Variants in NWD2 observed in about 807,000 individuals in gnomAD.
NWD2 encodes the protein NACHT and WD repeat domain containing 2, also known as NACHT and WD repeat domain-containing protein 2.
A neutral mutation model predicts 132.7 loss-of-function variants in NWD2; 37 were observed. The observed-to-expected ratio is 0.28, with a 90% CI of 0.21 to 0.37. NWD2 has a LOEUF of 0.37. NWD2 is among the 10% of genes least tolerant of loss of function. NWD2 has a pLI of 1.00. For missense variants in NWD2, 1,592 were observed against 2,122.4 expected, an observed-to-expected ratio of 0.75 and a Z score of 4.91; for synonymous variants, 705 against 803.0, an observed-to-expected ratio of 0.88 and a Z score of 2.06.
intron 2 of NWD2, among the ~76,000 whole-genome samples, chr4:37,350,807 A>G (rs1451943203): frequency 6.6e-6 from 1 of 152,174 alleles, no homozygotes; most frequent in Non-Finnish European, 1.5e-5. Context: ...TGAGTATGAT[A>G]TTGAATGTGG....
rs1283797075 is a variant in NWD2 at position 37,253,481 on chromosome 4, C to T, written c.151+8263C>T. Among the ~76,000 whole-genome samples, 10 of 152,144 alleles carry T rather than the reference C, an allele frequency of 6.6e-5. No individual in the cohort carries two copies. In the East Asian group the frequency reaches 1.9e-3, roughly 29 times the overall value. On this transcript the variant is annotated intron_variant, in intron 1 of 6. Coordinates refer to ENST00000309447, the MANE Select transcript of NWD2 (RefSeq NM_001144990.2). ...TCATGTCCCAAGGGATAGAAGTGAG[C>T]AGATGGGCAGAGATTGTCTGGTTTC...
Position 37,445,712 on chromosome 4 carries a change from A to C in NWD2, c.3724A>C (p.Asn1242His). ...ERFISAVLSKNGDCIIATMEN... is the reference protein window; with the variant it reads ...ERFISAVLSKHGDCIIATMEN... ...CTTTATATCTGCCGTGCTGTCTAAA[A>C]ATGGAGATTGTATCATCGCCACCAT... The change falls in exon 7 of 7, where the codon AAT becomes CAT. Residue 1242 changes from asparagine (N) to histidine (H), a missense_variant. Transcript: ENST00000309447. The surrounding 1 kb of genome is among the most constrained non-coding windows in gnomAD (Gnocchi z 4.7). The C allele has an allele frequency of 6.4e-7, 1 of 1,551,922 alleles. No individual in the cohort carries two copies. Among genetic ancestry groups the C allele is most frequent in the Non-Finnish European group, 8.7e-7 (1 of 1,147,054 alleles).
chr4:37,284,417 T>C (rs1175763351), intron 1 of NWD2, among the ~76,000 whole-genome samples: 1 of 152,198 alleles, frequency 6.6e-6, no homozygotes, highest in Non-Finnish European at 1.5e-5. Context: ...GCACAAACAT[T>C]CAGACCATAG....
chr4:37,313,744 G>T (rs1052100160), intron 1 of NWD2, among the ~76,000 whole-genome samples: 1 of 151,100 alleles, frequency 6.6e-6, no homozygotes, highest in African/African-American at 2.5e-5. Context: ...TGTCACCCAG[G>T]CTAGAGTGCA....
At chr4:37,412,310 C>T (rs1259467984) in intron 3 of NWD2, among the ~76,000 whole-genome samples, 2 of 152,122 alleles carry the variant, frequency 1.3e-5, no homozygotes, top group South Asian at 2.1e-4. Context: ...AATCAATGTG[C>T]AAAAATCACA....
Position 37,446,003 on chromosome 4 carries a change from T to G in NWD2, c.4015T>G (p.Cys1339Gly). 6.4e-7 allele frequency: 1 copy of G among 1,551,730 alleles called. No individual in the cohort carries two copies. The highest frequency in any genetic ancestry group is 8.7e-7 in the Non-Finnish European group (1 of 1,146,984). ...CATTTACTCCCTGGATGGATCCGAT[T>G]GTGTTCATAAGTGGAACTTCAGCAG... ...EIIYSLDGSD[C>G]VHKWNFSSGF... Residue 1339 changes from cysteine (C) to glycine (G), a missense_variant, in exon 7 of 7, where the codon TGT becomes GGT. By Grantham distance (159) the Cys-to-Gly change is radical (BLOSUM62 -3). Coordinates refer to ENST00000309447, the MANE Select transcript of NWD2 (RefSeq NM_001144990.2). This position sits in a 1 kb window ranked among gnomAD's most constrained non-coding sequence, Gnocchi z 6.7.
intron 2 of NWD2, among the ~76,000 whole-genome samples, chr4:37,346,158 C>G (rs574397468): frequency 1.3e-5 from 2 of 151,168 alleles, no homozygotes; most frequent in Admixed American, 1.3e-4. Flanking sequence ...CAAATTTATG[C>G]CTATGATCTC....
At chr4:37,362,926 A>AATATCT (rs1451497667) in intron 3 of NWD2, among the ~76,000 whole-genome samples, 3 of 152,224 alleles carry the variant, frequency 2.0e-5, no homozygotes, top group African/African-American at 7.2e-5. Flanking sequence ...ACCAATGTCT[A>AATATCT]ATATCTAGAA....
Position 37,447,163 on chromosome 4 carries a change from G to A in NWD2, c.5175G>A (p.Glu1725=), listed in dbSNP as rs531545081. 3 of 1,551,350 alleles carry A rather than the reference G, an allele frequency of 1.9e-6. No individual in the cohort carries two copies. Among genetic ancestry groups the A allele is most frequent in the South Asian group, 2.4e-5 (2 of 84,066 alleles). The change falls in exon 7 of 7, where the codon GAG becomes GAA. Residue 1725 remains glutamate (E), a synonymous_variant. Transcript: ENST00000309447. ...CCAAGAAACACAACTCTTGTTATGA[G>A]CGGGTATGCTCGGCCCTAGAAGCCA... ...TPSKKHNSCY[E]RVCSALEARG... is the part of the protein sequence containing the mutation.
chr4:37,293,229 A>G (rs912408705), intron 1 of NWD2, among the ~76,000 whole-genome samples: 6 of 152,122 alleles, frequency 3.9e-5, no homozygotes, highest in Non-Finnish European at 8.8e-5. Flanking sequence ...CTCTTTCTCC[A>G]TTAAAAAAGA....
intron 1 of NWD2, among the ~76,000 whole-genome samples, chr4:37,276,217 A>T (rs895016180): frequency 1.3e-5 from 2 of 152,210 alleles, no homozygotes; most frequent in African/African-American, 4.8e-5. Context: ...GAGGGCTAAT[A>T]TCCAGAATCT....
intron 1 of NWD2, among the ~76,000 whole-genome samples, chr4:37,250,027 G>C (rs770854078): frequency 1.3e-4 from 20 of 152,122 alleles, no homozygotes; most frequent in Non-Finnish European, 2.9e-4. Context: ...AGAAATTCAC[G>C]TGAAACCTAT....
intron 1 of NWD2, among the ~76,000 whole-genome samples, chr4:37,248,697 G>A (rs999012086): frequency 2.6e-5 from 4 of 152,200 alleles, no homozygotes; most frequent in East Asian, 1.9e-4. Flanking sequence ...AGGAACCTGC[G>A]AGATTCTCTC....
At chr4:37,318,043 C>T (rs56088110) in intron 1 of NWD2, among the ~76,000 whole-genome samples, 21,325 of 122,748 alleles carry the variant, frequency 0.17, 2,103 homozygotes, top group South Asian at 0.35. Context: ...TTTTTTGAGA[C>T]GAAGTCTCGC....
chr4:37,387,759 C>T (rs1720594649), intron 3 of NWD2, among the ~76,000 whole-genome samples: 1 of 145,670 alleles, frequency 6.9e-6, no homozygotes, highest in African/African-American at 2.6e-5. Context: ...ACTGCAACCT[C>T]TGTCTTCCAG....
intron 2 of NWD2, among the ~76,000 whole-genome samples, chr4:37,350,452 A>G (rs1719737716): frequency 6.6e-6 from 1 of 152,156 alleles, no homozygotes; most frequent in Admixed American, 6.5e-5. Flanking sequence ...GCTATTGTGA[A>G]TGGGAATTCA....
At chr4:37,352,355 G>A (rs1366188664) in intron 2 of NWD2, among the ~76,000 whole-genome samples, 1 of 151,950 alleles carries the variant, frequency 6.6e-6, no homozygotes, top group Non-Finnish European at 1.5e-5. Flanking sequence ...TATGAATCTT[G>A]GTGCTCTTGA....
chr4:37,255,092 G>C (rs1311668794), intron 1 of NWD2, among the ~76,000 whole-genome samples: 3 of 152,172 alleles, frequency 2.0e-5, no homozygotes, highest in Non-Finnish European at 4.4e-5. Flanking sequence ...ACACCTAATT[G>C]GTTGGTGTGG....
chr4:37,353,268 C>A (rs767744672), intron 2 of NWD2, among the ~76,000 whole-genome samples: 5 of 152,128 alleles, frequency 3.3e-5, no homozygotes, highest in Admixed American at 6.6e-5. Flanking sequence ...TCTATGGCTG[C>A]CCCTAACATT....
Sources: allele counts gnomAD v4.1 joint callset (sites outside exome capture counted in the v4.1 genomes callset), GRCh38; gene constraint gnomAD v4.1.1; non-coding constraint Gnocchi (gnomAD v3.1); transcripts MANE v1.5; gene names NCBI Gene and HGNC (gene_info 2026-07-23, HGNC 2026-07-21).